KIAA1958: variants seen among roughly 807,000 people sequenced by gnomAD.
KIAA1958 encodes the protein KIAA1958.
In KIAA1958, 14 loss-of-function variants were observed where a neutral mutation model predicts 47.2. The ratio of observed to expected loss-of-function variants is 0.30; its 90% CI spans 0.20 to 0.46. KIAA1958 has a LOEUF of 0.46. KIAA1958 is among the 20% of genes least tolerant of loss of function. The pLI is 1.00. For missense variants in KIAA1958, 803 were observed against 909.2 expected, an observed-to-expected ratio of 0.88 and a Z score of 1.50; for synonymous variants, 354 against 353.3, an observed-to-expected ratio of 1.00 and a Z score of -0.02.
intron 1 of KIAA1958, among the ~76,000 whole-genome samples, chr9:112,555,330 C>G (rs914796353): frequency 6.6e-6 from 1 of 152,140 alleles, no homozygotes; most frequent in African/African-American, 2.4e-5. Flanking sequence ...TTCCTGAGAT[C>G]CCATGAGCAG....
In KIAA1958 at chr9:112,659,513, A is replaced by G. The variant is rs771958665; in HGVS notation, c.1595A>G (p.Tyr532Cys). 6.2e-7 allele frequency: 1 copy of G among 1,613,416 alleles called. No individual in the cohort carries two copies. The highest frequency in any genetic ancestry group is 1.1e-5 in the South Asian group (1 of 90,928). ...GGCGCGCGTTCTCGCAACATCGTCT[A>G]CTTCTCCCTTTCTGACGAGGAGGAG... ...MSGARSRNIV[Y>C]FSLSDEEEMW... The change falls in exon 4 of 4, where the codon TAC (tyrosine) becomes TGC (cysteine). Residue 532 changes from tyrosine to cysteine, a missense_variant. This residue lies in a region of KIAA1958 where 761 missense variants were observed against 829.3 expected (regional missense o/e 0.92). Coordinates refer to ENST00000337530, the MANE Select transcript of KIAA1958 (RefSeq NM_133465.4).
intron 1 of KIAA1958, among the ~76,000 whole-genome samples, chr9:112,545,778 T>G (rs1312261270): frequency 2.0e-5 from 3 of 151,182 alleles, no homozygotes; most frequent in Non-Finnish European, 4.4e-5. Context: ...AAGATTTGTC[T>G]TAGCATTTTT....
intron 1 of KIAA1958, among the ~76,000 whole-genome samples, chr9:112,520,632 A>G (rs1466767198): frequency 6.6e-6 from 1 of 152,272 alleles, no homozygotes; most frequent in African/African-American, 2.4e-5. Flanking sequence ...AATTTTTCAC[A>G]GTAATTATAC....
At chr9:112,562,496 T>C (rs917479300) in intron 1 of KIAA1958, among the ~76,000 whole-genome samples, 19 of 152,186 alleles carry the variant, frequency 1.2e-4, no homozygotes, top group African/African-American at 4.3e-4. Context: ...CAGAACTTCT[T>C]AAGTTTTATG....
intron 1 of KIAA1958, among the ~76,000 whole-genome samples, chr9:112,562,417 G>T (rs1200913965): frequency 2.6e-5 from 4 of 152,116 alleles, no homozygotes; most frequent in Non-Finnish European, 5.9e-5. Flanking sequence ...TGGAGTCCAG[G>T]CTCTTCACCC....
chr9:112,574,295 T>C lies in KIAA1958; in HGVS notation c.215T>C (p.Val72Ala), dbSNP rs767755118. The stretch of plus-strand genomic sequence containing the variant: ...TGCAGAGCTGGGTCCCAAGAGAGGG[T>C]CTGTTTCCAGGATAACAGAAGTTTT... ...ATCRAGSQER[V>A]CFQDNRSFNS... Residue 72 changes from valine to alanine, a missense_variant, in exon 2 of 4, where the codon GTC becomes GCC. This residue lies in a region of KIAA1958 where 761 missense variants were observed against 829.3 expected (regional missense o/e 0.92). Coordinates refer to ENST00000337530, the MANE Select transcript of KIAA1958 (RefSeq NM_133465.4). 2.5e-6 allele frequency: 4 copies of C among 1,614,040 alleles called. No individual in the cohort carries two copies. Among genetic ancestry groups the C allele is most frequent in the Non-Finnish European group, 3.4e-6 (4 of 1,180,002 alleles).
chr9:112,546,986 AGCTGGGGT>A (rs1225972722), intron 1 of KIAA1958, among the ~76,000 whole-genome samples: 1 of 146,442 alleles, frequency 6.8e-6, no homozygotes, highest in Admixed American at 6.9e-5. Flanking sequence ...CTGCTGCCCA[AGCTGGGGT>A]GTGGTGGTGT....
chr9:112,625,089 T>C (rs1193517317), intron 2 of KIAA1958, among the ~76,000 whole-genome samples: 1 of 152,140 alleles, frequency 6.6e-6, no homozygotes, highest in Non-Finnish European at 1.5e-5. Context: ...AATGCATCCT[T>C]CAGGTGTGCT....
intron 1 of KIAA1958, among the ~76,000 whole-genome samples, chr9:112,526,733 C>G (rs889797361): frequency 2.0e-5 from 3 of 152,116 alleles, no homozygotes; most frequent in African/African-American, 7.2e-5. Flanking sequence ...CCAATCACAC[C>G]CATGAAGGTG....
intron 2 of KIAA1958, among the ~76,000 whole-genome samples, chr9:112,597,357 A>G (rs1221938996): frequency 6.6e-6 from 1 of 152,216 alleles, no homozygotes; most frequent in Non-Finnish European, 1.5e-5. Context: ...CATTTCACAG[A>G]TAAAGAAACT....
chr9:112,488,374 C>A (rs973418647), intron 1 of KIAA1958, among the ~76,000 whole-genome samples: 3 of 152,070 alleles, frequency 2.0e-5, no homozygotes, highest in Non-Finnish European at 4.4e-5. Context: ...TCTTCATGAA[C>A]GGTTGCTGTG....
intron 2 of KIAA1958, among the ~76,000 whole-genome samples, chr9:112,583,739 T>A (rs1835773481): frequency 6.6e-6 from 1 of 152,188 alleles, no homozygotes; most frequent in Admixed American, 6.5e-5. Flanking sequence ...ACATGAACAT[T>A]ACGATGTAGT....
In KIAA1958 at chr9:112,664,775, CCTTT is replaced by C. The variant is rs1354687601; in HGVS notation, c.*4709_*4712del. The C allele has an allele frequency of 1.3e-5, 2 of 152,122 alleles. No individual in the cohort carries two copies. Among genetic ancestry groups the C allele is most frequent in the African/African-American group, 4.8e-5 (2 of 41,420 alleles). 9.4% of individuals were successfully genotyped at this position (152,122 alleles called of 1,614,324 possible). A position where few individuals can be genotyped will look rare whatever the true frequency, so the allele number is the denominator to read the frequency against. On this transcript the variant is annotated 3_prime_UTR_variant, in exon 4 of 4. Coordinates refer to ENST00000337530, the MANE Select transcript of KIAA1958 (RefSeq NM_133465.4). ...TTTGTGGTGACCTACCGCTGCCCTC[CCTTT>C]CTAAGAGAAGAGGAGGCCATGGGGT...
intron 1 of KIAA1958, among the ~76,000 whole-genome samples, chr9:112,523,370 GA>G (rs1195041572): frequency 6.6e-6 from 1 of 152,166 alleles, no homozygotes; most frequent in East Asian, 1.9e-4. Flanking sequence ...AGGATTGCTT[GA>G]ACCTGGGAGG....
At chr9:112,573,636 G>T (rs78867560) in intron 1 of KIAA1958, among the ~76,000 whole-genome samples, 3 of 152,130 alleles carry the variant, frequency 2.0e-5, no homozygotes, top group Non-Finnish European at 2.9e-5. Context: ...GGTGTCATTG[G>T]AGCTGCATCC....
intron 2 of KIAA1958, among the ~76,000 whole-genome samples, chr9:112,595,871 C>T (rs548956191): frequency 4.7e-4 from 71 of 151,602 alleles, no homozygotes; most frequent in Non-Finnish European, 9.1e-4. Flanking sequence ...CCGCAACGTC[C>T]GCCTCCCGGG....
At chr9:112,650,611 AAAATT>A in intron 3 of KIAA1958, among the ~76,000 whole-genome samples, 1 of 152,120 alleles carries the variant, frequency 6.6e-6, no homozygotes, top group Admixed American at 6.6e-5. Flanking sequence ...TGTAAAAAAA[AAAATT>A]AAATGGAAAA....
At chr9:112,516,414 C>G (rs780600269) in intron 1 of KIAA1958, among the ~76,000 whole-genome samples, 3 of 152,076 alleles carry the variant, frequency 2.0e-5, no homozygotes, top group South Asian at 4.1e-4. Context: ...CATGTAAGAT[C>G]TGTACACTAA....
chr9:112,578,827 T>G (rs1317615395), intron 2 of KIAA1958, among the ~76,000 whole-genome samples: 1 of 152,088 alleles, frequency 6.6e-6, no homozygotes, highest in Non-Finnish European at 1.5e-5. Context: ...TTTGGGGCAT[T>G]TGTCATAATG....
Sources: gnomAD v4.1 joint callset for allele counts (sites outside exome capture counted in the v4.1 genomes callset) on GRCh38, gnomAD v4.1.1 for gene constraint, gnomAD v4.1.1 regional missense constraint, MANE v1.5 for transcripts, NCBI Gene and HGNC (gene_info 2026-07-23, HGNC 2026-07-21) for gene names.